The following PITRM1 variants were observed in gnomAD, a reference collection of about 807,000 sequenced individuals.
The protein encoded by PITRM1 is pitrilysin metallopeptidase 1.
PITRM1 carries 100 observed loss-of-function variants against 129.9 expected under a neutral mutation model. The ratio of observed to expected loss-of-function variants is 0.77; its 90% CI spans 0.65 to 0.91. The LOEUF is 0.91. Ranked by LOEUF, PITRM1 falls within the 40% of genes least tolerant of loss-of-function variation. The pLI, the probability that PITRM1 is intolerant of heterozygous loss-of-function variation, is 0.00. For missense variants in PITRM1, 1,471 were observed against 1,318.3 expected (o/e 1.12, Z -1.79); for synonymous variants, 591 against 508.8 (o/e 1.16, Z -2.17).
At chr10:3,172,783 G>C (rs374682935), upstream of PITRM1, 1,409 of 1,536,366 alleles carry the variant, frequency 9.2e-4, 15 homozygotes, top group African/African-American at 0.018. Flanking sequence ...TGCGCATGAC[G>C]AGCACCTGGC....
chr10:3,171,338 TA>T (rs71383153), intron 1 of PITRM1, among the ~76,000 whole-genome samples: 3 of 142,462 alleles, frequency 2.1e-5, no homozygotes, highest in Non-Finnish European at 3.0e-5. Flanking sequence ...GGTAAAATAT[TA>T]AAAAAAAAAA....
intron 7 of PITRM1, among the ~76,000 whole-genome samples, chr10:3,161,863 AAAG>A (rs202092829): frequency 9.3e-4 from 133 of 143,226 alleles, no homozygotes; most frequent in Non-Finnish European, 1.6e-3. Flanking sequence ...AAAAAAAAAA[AAAG>A]AAGAAAAGAA....
At chr10:3,168,400 G>C (rs962270881) in intron 2 of PITRM1, among the ~76,000 whole-genome samples, 1 of 152,068 alleles carries the variant, frequency 6.6e-6, no homozygotes, top group African/African-American at 2.4e-5. Flanking sequence ...TCTCAAACAA[G>C]AATCATGACT....
intron 1 of PITRM1, among the ~76,000 whole-genome samples, chr10:3,170,416 T>C (rs553123661): frequency 2.8e-4 from 42 of 152,324 alleles, no homozygotes; most frequent in South Asian, 4.1e-4. Context: ...AAAGCTTCAA[T>C]GTTGGAAACC....
At chr10:3,148,593 G>A in intron 16 of PITRM1, 1 of 317,300 alleles carries the variant, frequency 3.2e-6, no homozygotes, top group South Asian at 7.3e-5. Context: ...GGCATTTCCA[G>A]TTGTAAGCTC....
intron 13 of PITRM1, among the ~76,000 whole-genome samples, chr10:3,156,127 G>T (rs192487377): frequency 2.0e-5 from 3 of 152,060 alleles, no homozygotes; most frequent in African/African-American, 7.2e-5. Flanking sequence ...TTTGTCTAGC[G>T]TTCATTCTAC....
chr10:3,166,263 G>A lies in PITRM1; in HGVS notation c.384C>T (p.Asn128=). 6.2e-7 allele frequency: 1 copy of A among 1,608,480 alleles called. No homozygotes were observed. Among genetic ancestry groups the A allele is most frequent in the Non-Finnish European group, 8.5e-7 (1 of 1,177,420 alleles). The change falls in exon 4 of 27, where the codon AAC becomes AAT. Residue 128 remains asparagine, a synonymous_variant. Transcript: ENST00000224949. ...PCRDPFFKML[N]RSLSTFMNAF... ...CGTTCATGAACGTGGAGAGGGACCG[G>A]TTCAACATTTTGAAGAAAGGGTCTC...
In PITRM1 at chr10:3,147,250, C is replaced by A. The variant is rs200811251; in HGVS notation, c.2236G>T (p.Val746Leu). The change falls in exon 20 of 27, where the codon GTG becomes TTG. Residue 746 changes from valine to leucine, a missense_variant and splice_region_variant. By Grantham distance (32) the Val-to-Leu change is conservative (BLOSUM62 1). Coordinates refer to ENST00000224949, the MANE Select transcript of PITRM1 (RefSeq NM_014889.4). ...TCTGCAATCCTCTTCATCAGCCGCA[C>A]CTAAGCCAGAGGAAACTCGCTCAGA... is the stretch of plus-strand genomic sequence containing the variant. Reference protein sequence around the residue: ...LQETFSGMDQVRLMKRIAEMT... With the variant: ...LQETFSGMDQLRLMKRIAEMT... The A allele has an allele frequency of 7.6e-4, 1,222 of 1,609,930 alleles. No homozygotes were observed. The highest frequency in any genetic ancestry group is 9.9e-4 in the Non-Finnish European group (1,159 of 1,176,562).
At chr10:3,172,292 G>A in intron 1 of PITRM1, 1 of 482,446 alleles carries the variant, frequency 2.1e-6, no homozygotes. Context: ...TCCGGGAGGC[G>A]TCAGTTCTCT....
chr10:3,167,083 A>G, intron 2 of PITRM1, 41 bp from the exon 3 acceptor site: 1 of 1,248,280 alleles, frequency 8.0e-7, no homozygotes, highest in African/African-American at 1.5e-5. Context: ...AACTTAGACA[A>G]AATGGCCTTT....
chr10:3,171,159 A>T (rs1440782884), intron 1 of PITRM1, among the ~76,000 whole-genome samples: 1 of 123,798 alleles, frequency 8.1e-6, no homozygotes, highest in African/African-American at 3.8e-5. Flanking sequence ...AAAAAAAAAA[A>T]AAAAAAAAAA....
intron 16 of PITRM1, chr10:3,149,321 T>G: frequency 4.2e-6 from 1 of 240,728 alleles, no homozygotes; most frequent in Non-Finnish European, 8.0e-6. Flanking sequence ...ACACTGCACA[T>G]CCAATTACTT....
At chr10:3,170,251 T>C (rs1055168792) in intron 1 of PITRM1, 45 bp from the exon 2 acceptor site, 6 of 1,411,314 alleles carry the variant, frequency 4.3e-6, no homozygotes, top group Non-Finnish European at 6.0e-6. Flanking sequence ...AGGAAAAGTA[T>C]CTGGCTAACA....
chr10:3,145,899 G>C (rs1201158282), intron 20 of PITRM1, 183 bp from the exon 21 acceptor site: 2 of 594,146 alleles, frequency 3.4e-6, no homozygotes, highest in Non-Finnish European at 6.0e-6. Flanking sequence ...AGGTTATCAA[G>C]AGATTTCCGC....
At chr10:3,138,877 A>G (rs751714253) in intron 25 of PITRM1, 27 bp downstream of exon 25, 12 of 1,611,098 alleles carry the variant, frequency 7.4e-6, no homozygotes, top group Admixed American at 5.0e-5. Flanking sequence ...CTGTGGGTTG[A>G]GATTCTCACT....
rs570557958 is a variant in PITRM1, at chr10:3,147,425, A to T, written c.2235+147T>A. 161 of 1,094,108 alleles carry T rather than the reference A, an allele frequency of 1.5e-4. 2 individuals carry two copies. The East Asian group carries it at 3.2e-3, about 22-fold the overall frequency. The allele number at this position is 1,094,108 out of a possible 1,614,324, so 67.8% of individuals were successfully genotyped here. Reference sequence around the variant, plus strand: ...GGTGGTACAAAGAGGAAGATGAGTCAAAACCAACCAACCAATTCTTCCCCA... The same window carrying T: ...GGTGGTACAAAGAGGAAGATGAGTCTAAACCAACCAACCAATTCTTCCCCA... On this transcript the variant is annotated intron_variant, in intron 19 of 26. Transcript: ENST00000224949.
At chr10:3,138,563 C>A (rs1248384862) in intron 25 of PITRM1, 1 of 606,074 alleles carries the variant, frequency 1.6e-6, no homozygotes, top group Non-Finnish European at 2.9e-6. Context: ...ATGCAGTCAG[C>A]GCCGCGTGAG....
At chr10:3,163,641 G>T in intron 7 of PITRM1, 84 bp downstream of exon 7, 1 of 1,153,864 alleles carries the variant, frequency 8.7e-7, no homozygotes, top group Non-Finnish European at 1.2e-6. Flanking sequence ...CTAAATGTGA[G>T]AGAAGCCATG....
Position 3,163,598 on chromosome 10 carries a change from T to G in PITRM1, c.791+127A>C. ...AAGATAGGCAAACTTAGGCCAAGAA[T>G]CTTACCTAGACTTAGATATTTCTTA... is the stretch of plus-strand genomic sequence containing the variant. On this transcript the variant is annotated intron_variant, in intron 7 of 26. Transcript: ENST00000224949. 3 of 833,688 alleles carry G rather than the reference T, an allele frequency of 3.6e-6. No homozygotes were observed. The South Asian group carries it at 5.5e-5, about 15-fold the overall frequency. The allele number at this position is 833,688 out of a possible 1,614,324, so 51.6% of individuals were successfully genotyped here.
Sources: allele counts gnomAD v4.1 joint callset (sites outside exome capture counted in the v4.1 genomes callset), GRCh38; gene constraint gnomAD v4.1.1; transcripts MANE v1.5; gene names NCBI Gene and HGNC (gene_info 2026-07-23, HGNC 2026-07-21).